The following ACTR3B variants were observed in gnomAD, a reference collection of about 807,000 sequenced individuals.
ACTR3B encodes the protein actin-related protein 3B.
ACTR3B carries 8 observed loss-of-function variants against 59.0 expected under a neutral mutation model. The ratio of observed to expected loss-of-function variants is 0.14; its 90% CI spans 0.08 to 0.24. The LOEUF is 0.24. Among genes scored for constraint, ACTR3B ranks in the 10% least tolerant of loss-of-function variants. The pLI is 1.00. For missense variants in ACTR3B, 245 were observed against 552.3 expected, an observed-to-expected ratio of 0.44 and a Z score of 5.58; for synonymous variants, 148 against 197.9, an observed-to-expected ratio of 0.75 and a Z score of 2.12.
intron 2 of ACTR3B, among the ~76,000 whole-genome samples, chr7:152,796,140 C>T (rs148140817): frequency 0.012 from 1,845 of 152,280 alleles, 35 homozygotes; most frequent in African/African-American, 0.042. Context: ...CCACCGCGCC[C>T]GGCCTTAGCA....
chr7:152,786,894 C>G (rs2116644530), intron 2 of ACTR3B, among the ~76,000 whole-genome samples: 1 of 152,302 alleles, frequency 6.6e-6, no homozygotes, highest in African/African-American at 2.4e-5. Context: ...ATGTTTTTAT[C>G]ATACATACAG....
chr7:152,806,695 C>T (rs1180503860), intron 4 of ACTR3B, among the ~76,000 whole-genome samples: 2 of 152,232 alleles, frequency 1.3e-5, no homozygotes, highest in African/African-American at 4.8e-5. Flanking sequence ...GAGTCTACCT[C>T]AGCTTTGTAA....
At position 152,779,428 on chromosome 7, in the gene ACTR3B, A is replaced by G. The variant is rs1217663884; in HGVS notation, c.45-3759A>G. On this transcript the variant is annotated intron_variant, in intron 1 of 11. Transcript: ENST00000256001. The stretch of plus-strand genomic sequence containing the variant: ...GAAGTCCTGTAACTAATAGGTAAAC[A>G]TTTTGAGGAACACTTTGAGGACCTG... 2.0e-5 allele frequency among the ~76,000 whole-genome samples: 3 copies of G among 152,228 alleles called. No homozygotes were observed. In the East Asian group the frequency reaches 5.8e-4, roughly 29 times the overall value.
intron 2 of ACTR3B, among the ~76,000 whole-genome samples, chr7:152,788,865 A>G (rs1020227619): frequency 1.3e-5 from 2 of 152,188 alleles, no homozygotes; most frequent in African/African-American, 4.8e-5. Context: ...CTACTAAAAA[A>G]TACAAAAATT....
At chr7:152,775,989 G>C (rs1193751514) in intron 1 of ACTR3B, among the ~76,000 whole-genome samples, 2 of 151,892 alleles carry the variant, frequency 1.3e-5, no homozygotes. Flanking sequence ...GATTGGGTCT[G>C]CTTCCATAGC....
intron 6 of ACTR3B, among the ~76,000 whole-genome samples, chr7:152,817,134 C>T (rs1268051033): frequency 7.9e-5 from 12 of 152,016 alleles, no homozygotes; most frequent in Non-Finnish European, 1.6e-4. Context: ...CCTGTAATCC[C>T]AGCACTTTGG....
intron 1 of ACTR3B, among the ~76,000 whole-genome samples, chr7:152,779,537 G>C (rs2098145323): frequency 6.6e-6 from 1 of 152,204 alleles, no homozygotes; most frequent in South Asian, 2.1e-4. Flanking sequence ...TTACTAGCTA[G>C]TAAACTGGTT....
chr7:152,789,356 C>T (rs2098186942), intron 2 of ACTR3B, among the ~76,000 whole-genome samples: 1 of 149,832 alleles, frequency 6.7e-6, no homozygotes, highest in Admixed American at 6.6e-5. Flanking sequence ...TGTGCCACTA[C>T]ACTCCTGCCT....
At chr7:152,789,081 A>ACAACAC in intron 2 of ACTR3B, among the ~76,000 whole-genome samples, 1 of 151,916 alleles carries the variant, frequency 6.6e-6, no homozygotes, top group African/African-American at 2.4e-5. Flanking sequence ...AACAACAACA[A>ACAACAC]CAAAGCCCTT....
At chr7:152,819,919 C>A (rs1796013865) in intron 6 of ACTR3B, among the ~76,000 whole-genome samples, 1 of 152,150 alleles carries the variant, frequency 6.6e-6, no homozygotes, top group African/African-American at 2.4e-5. Flanking sequence ...GTTGGCTTAA[C>A]AATTTATAAA....
rs564509737 is a variant in ACTR3B, at chr7:152,760,014, CCGTCG to C, written c.44+90_44+94del. ...ACCTCGCCTGGAGGTCGAGCTGCGT[CCGTCG>C]CCCCGGGCTTGAGCCCCGCGATCAC... On this transcript the variant is annotated intron_variant, in intron 1 of 11. Coordinates refer to ENST00000256001, the MANE Select transcript of ACTR3B (RefSeq NM_020445.6). The C allele has an allele frequency of 8.2e-4, 974 of 1,182,258 alleles. 6 individuals carry two copies. The African/African-American group carries it at 0.013, about 16-fold the overall frequency. The allele number at this position is 1,182,258 out of a possible 1,614,324, so 73.2% of individuals were successfully genotyped here.
chr7:152,812,041 T>G (rs963978462), intron 4 of ACTR3B: 2 of 54,762 alleles, frequency 3.7e-5, no homozygotes, highest in Non-Finnish European at 8.8e-5. Flanking sequence ...TTTTTTTTTT[T>G]TTTTTTTGAG....
chr7:152,800,260 TGA>T (rs1307900753), intron 2 of ACTR3B, among the ~76,000 whole-genome samples: 1 of 152,278 alleles, frequency 6.6e-6, no homozygotes, highest in Non-Finnish European at 1.5e-5. Context: ...CAGATAAAAC[TGA>T]GAAATTTTGC....
chr7:152,818,459 T>C (rs983890008), intron 6 of ACTR3B, among the ~76,000 whole-genome samples: 1 of 151,990 alleles, frequency 6.6e-6, no homozygotes, highest in Non-Finnish European at 1.5e-5. Context: ...TCTTTTTCTT[T>C]TTTTTTTGGA....
intron 1 of ACTR3B, among the ~76,000 whole-genome samples, chr7:152,762,900 T>C (rs2098094374): frequency 6.6e-6 from 1 of 152,220 alleles, no homozygotes; most frequent in Non-Finnish European, 1.5e-5. Context: ...TCTTAGTGCA[T>C]CCCATCGAAA....
chr7:152,845,267 C>T (rs1296117737), intron 9 of ACTR3B, among the ~76,000 whole-genome samples: 2 of 152,132 alleles, frequency 1.3e-5, no homozygotes, highest in Non-Finnish European at 2.9e-5. Context: ...TTTTCTGTCT[C>T]TCCTGTTCCA....
intron 9 of ACTR3B, among the ~76,000 whole-genome samples, chr7:152,830,743 G>T (rs1248857602): frequency 6.6e-6 from 1 of 152,102 alleles, no homozygotes; most frequent in Admixed American, 6.5e-5. Context: ...TAGAGTTGAG[G>T]TCTTGCTCTG....
chr7:152,826,337 C>G (rs960766328), intron 9 of ACTR3B, among the ~76,000 whole-genome samples: 1 of 151,426 alleles, frequency 6.6e-6, no homozygotes, highest in Non-Finnish European at 1.5e-5. Flanking sequence ...AATAAAATAT[C>G]TTTGGGGTGG....
At chr7:152,814,208 G>C in intron 4 of ACTR3B, 2 of 242,872 alleles carry the variant, frequency 8.2e-6, no homozygotes, top group South Asian at 7.2e-5. Flanking sequence ...ACTCGTCTTG[G>C]TTGTGTTTTC....
Sources: gnomAD v4.1 joint callset for allele counts (sites outside exome capture counted in the v4.1 genomes callset) on GRCh38, gnomAD v4.1.1 for gene constraint, MANE v1.5 for transcripts, NCBI Gene and HGNC (gene_info 2026-07-23, HGNC 2026-07-21) for gene names.